TRIM29: variants seen among roughly 807,000 people sequenced by gnomAD.
TRIM29 encodes the protein tripartite motif containing 29.
TRIM29 carries 52 observed loss-of-function variants against 57.3 expected under a neutral mutation model. The ratio of observed to expected loss-of-function variants is 0.91; its 90% CI spans 0.73 to 1.14. TRIM29 has a LOEUF of 1.14. Ranked by LOEUF, TRIM29 falls within the 50% of genes most tolerant of loss-of-function variation. TRIM29 has a pLI of 0.00. For synonymous variants in TRIM29, 319 were observed against 316.9 expected (o/e 1.01, Z -0.07); for missense variants, 753 against 774.6 (o/e 0.97, Z 0.33).
chr11:120,137,085 GAAAT>G lies in TRIM29; in HGVS notation c.804+139_804+142del. On this transcript the variant is annotated intron_variant, in intron 1 of 8. Transcript: ENST00000341846. The surrounding 1 kb of genome is among the most constrained non-coding windows in gnomAD (Gnocchi z 6.2). ...TTAGGGGGGACAGGGGGCATGAGGGGAAATAAATGTTTTCTAAAAGAGCCAAGGA... is the reference window on the plus strand; with the variant it reads ...TTAGGGGGGACAGGGGGCATGAGGGGAAATGTTTTCTAAAAGAGCCAAGGA... The G allele has an allele frequency of 1.1e-6, 1 of 900,544 alleles. No individual in the cohort carries two copies. The allele number at this position is 900,544 out of a possible 1,614,324, so 55.8% of individuals were successfully genotyped here.
rs1039261866 is a variant in TRIM29 at position 120,124,320 on chromosome 11, G to A, written c.1334-1265C>T. 8.5e-5 allele frequency: 13 copies of A among 152,422 alleles called. No individual in the cohort carries two copies. In the East Asian group the frequency reaches 1.2e-3, roughly 14 times the overall value. 9.4% of individuals were successfully genotyped at this position (152,422 alleles called of 1,614,324 possible). On this transcript the variant is annotated intron_variant, in intron 4 of 8. Transcript: ENST00000341846. ...CCCCCAGGCCTGGCCGGACCTCACC[G>A]GAGGGGCTGCCCTGCCGAGTTTGTA...
intron 6 of TRIM29, 71 bp downstream of exon 6, chr11:120,120,502 A>G (rs1863411174): frequency 7.0e-7 from 1 of 1,431,440 alleles, no homozygotes; most frequent in African/African-American, 1.4e-5. Flanking sequence ...CCCTGGACCC[A>G]CCTCTATGCC....
intron 8 of TRIM29, among the ~76,000 whole-genome samples, chr11:120,114,675 A>G (rs115215837): frequency 6.6e-6 from 1 of 152,160 alleles, no homozygotes; most frequent in Non-Finnish European, 1.5e-5. Flanking sequence ...GATATGTCAG[A>G]TCTAACGGGC....
chr11:120,114,886 TC>T (rs1863228174), intron 8 of TRIM29, among the ~76,000 whole-genome samples: 1 of 152,020 alleles, frequency 6.6e-6, no homozygotes, highest in Non-Finnish European at 1.5e-5. Context: ...CTTTCCAGTC[TC>T]TCCCACCCCC....
intron 6 of TRIM29, among the ~76,000 whole-genome samples, chr11:120,119,278 C>G (rs1362277642): frequency 6.6e-6 from 1 of 152,160 alleles, no homozygotes; most frequent in African/African-American, 2.4e-5. Flanking sequence ...CACCACACCC[C>G]CACCTGCCAG....
Position 120,129,336 on chromosome 11 carries a change from C to G in TRIM29, c.805-841G>C, listed in dbSNP as rs528954524. Among the ~76,000 whole-genome samples, 5 of 152,284 alleles carry G rather than the reference C, an allele frequency of 3.3e-5. No homozygotes were observed. The South Asian group carries it at 1.0e-3, about 32-fold the overall frequency. On this transcript the variant is annotated intron_variant, in intron 1 of 8. Coordinates refer to ENST00000341846, the MANE Select transcript of TRIM29 (RefSeq NM_012101.4). ...GGCATGAAGCTAAGGCCAATCCCAT[C>G]CAGCCAAGCCTCTGTTCTGCTGGGC...
In TRIM29 at chr11:120,112,279, TG is replaced by T; in HGVS notation, c.*134del. The stretch of plus-strand genomic sequence containing the variant: ...GAGGCCGGAACTGCCCCCAAGAGGC[TG>T]GCAGAGGGCTGCAGAGGGCAGGTGC... On this transcript the variant is annotated 3_prime_UTR_variant, in exon 9 of 9. Coordinates refer to ENST00000341846, the MANE Select transcript of TRIM29 (RefSeq NM_012101.4). The T allele has an allele frequency of 9.9e-7, 1 of 1,013,472 alleles. No individual in the cohort carries two copies. Among genetic ancestry groups the T allele is most frequent in the Non-Finnish European group, 1.5e-6 (1 of 685,410 alleles). The allele number at this position is 1,013,472 out of a possible 1,614,324, so 62.8% of individuals were successfully genotyped here.
intron 2 of TRIM29, 138 bp from the exon 3 acceptor site, chr11:120,127,707 C>A: frequency 1.3e-6 from 1 of 749,916 alleles, no homozygotes; most frequent in Non-Finnish European, 2.1e-6. Flanking sequence ...CCTATTTGGC[C>A]AAGAATCTCA....
In TRIM29 at chr11:120,112,259, CG is replaced by C; in HGVS notation, c.*154del. On this transcript the variant is annotated 3_prime_UTR_variant, in exon 9 of 9. Coordinates refer to ENST00000341846, the MANE Select transcript of TRIM29 (RefSeq NM_012101.4). ...TGGCCAGTGGGGAAGTCGGAGAGGC[CG>C]GAACTGCCCCCAAGAGGCTGGCAGA... 8.9e-6 allele frequency: 7 copies of C among 782,884 alleles called. No homozygotes were observed. Among genetic ancestry groups the C allele is most frequent in the Non-Finnish European group, 1.4e-5 (7 of 492,654 alleles). 48.5% of individuals were successfully genotyped at this position (782,884 alleles called of 1,614,324 possible).
intron 6 of TRIM29, 80 bp from the exon 7 acceptor site, chr11:120,118,401 A>G: frequency 9.3e-7 from 1 of 1,077,766 alleles, no homozygotes; most frequent in Non-Finnish European, 1.3e-6. Flanking sequence ...AGCCAGGTCT[A>G]TGACTCTCTA....
rs3781668 is a variant in TRIM29 at position 120,119,254 on chromosome 11, G to A, written c.1529-933C>T. On this transcript the variant is annotated intron_variant, in intron 6 of 8. Coordinates refer to ENST00000341846, the MANE Select transcript of TRIM29 (RefSeq NM_012101.4). ...GGGGCTCAGAGTCCCCATGGGTGAC[G>A]CACACTTCTCCAGCACCACACCCCC... Among the ~76,000 whole-genome samples the A allele has an allele frequency of 0.015, 2,310 of 152,270 alleles. 108 individuals are homozygous for A. The East Asian group carries it at 0.16, about 10-fold the overall frequency.
chr11:120,119,874 T>C (rs1211981537), intron 6 of TRIM29, among the ~76,000 whole-genome samples: 1 of 152,092 alleles, frequency 6.6e-6, no homozygotes, highest in Non-Finnish European at 1.5e-5. Context: ...CAGGTCTCAT[T>C]GAATGCATGG....
Position 120,113,100 on chromosome 11 carries a change from C to G in TRIM29, c.1705-624G>C, listed in dbSNP as rs535321075. Among the ~76,000 whole-genome samples, 13 of 152,186 alleles carry G rather than the reference C, an allele frequency of 8.5e-5. No individual in the cohort carries two copies. The East Asian group carries it at 2.3e-3, about 27-fold the overall frequency. On this transcript the variant is annotated intron_variant, in intron 8 of 8. Transcript: ENST00000341846. ...CTTCCAGGATTTTCTTTGCCTCTCT[C>G]TGCATAAATTTCCCTTACAGAAAGG... is the stretch of plus-strand genomic sequence containing the variant.
chr11:120,127,279 T>G, intron 3 of TRIM29, 57 bp downstream of exon 3: 1 of 1,485,064 alleles, frequency 6.7e-7, no homozygotes, highest in East Asian at 2.3e-5. Context: ...TGGAGGGGGG[T>G]CTCAAAAAGT....
At chr11:120,131,817 C>T (rs1443007596) in intron 1 of TRIM29, among the ~76,000 whole-genome samples, 2 of 150,090 alleles carry the variant, frequency 1.3e-5, no homozygotes, top group Non-Finnish European at 3.0e-5. Context: ...GTTTAAAAGT[C>T]GCTGGGCTCT....
chr11:120,128,577 G>T, intron 1 of TRIM29, 82 bp from the exon 2 acceptor site: 1 of 1,519,622 alleles, frequency 6.6e-7, no homozygotes, highest in East Asian at 2.3e-5. Flanking sequence ...GCTCCACTCA[G>T]GGGGCACACT....
chr11:120,125,059 C>T (rs900067751), intron 4 of TRIM29: 1 of 152,612 alleles, frequency 6.6e-6, no homozygotes, highest in African/African-American at 2.4e-5. Flanking sequence ...TGTTGTTTCT[C>T]AGGTTCAGAG....
At chr11:120,129,399 C>CAA (rs1273235470) in intron 1 of TRIM29, among the ~76,000 whole-genome samples, 1 of 152,186 alleles carries the variant, frequency 6.6e-6, no homozygotes, top group South Asian at 2.1e-4. Context: ...CTAGCATGGA[C>CAA]AATAGGTGGA....
In TRIM29 at chr11:120,112,416, A is replaced by G. The variant is rs895475210; in HGVS notation, c.1765T>C (p.Ter589ArgextTer16). 2.5e-6 allele frequency: 4 copies of G among 1,612,000 alleles called. No individual in the cohort carries two copies. Among genetic ancestry groups the G allele is most frequent in the African/African-American group, 2.7e-5 (2 of 74,822 alleles). The change falls in exon 9 of 9, where the codon TGA becomes CGA. Residue 589 changes from the stop codon to arginine (R), a stop_lost. Coordinates refer to ENST00000341846, the MANE Select transcript of TRIM29 (RefSeq NM_012101.4). ...GNGIGSNEAP* is the reference protein window; with the variant it reads ...GNGIGSNEAPR Reference sequence around the variant, plus strand: ...GCCTCGTTCCTTCCGCCAGGAGCTCATGGGGCTTCGTTGGACCCAATCCCG... The same window carrying G: ...GCCTCGTTCCTTCCGCCAGGAGCTCGTGGGGCTTCGTTGGACCCAATCCCG...
Sources: gnomAD v4.1 joint callset for allele counts (sites outside exome capture counted in the v4.1 genomes callset) on GRCh38, gnomAD v4.1.1 for gene constraint, Gnocchi (gnomAD v3.1) non-coding constraint, MANE v1.5 for transcripts, NCBI Gene and HGNC (gene_info 2026-07-23, HGNC 2026-07-21) for gene names.